The following TRIM33 variants were observed in gnomAD, a reference collection of about 807,000 sequenced individuals.
TRIM33 encodes the protein E3 ubiquitin-protein ligase TRIM33.
TRIM33 carries 20 observed loss-of-function variants against 125.4 expected under a neutral mutation model. The observed-to-expected ratio is 0.16, with a 90% confidence interval of 0.11 to 0.23. The LOEUF (loss-of-function observed/expected upper bound fraction) is 0.23. Ranked by LOEUF, TRIM33 falls within the 10% of genes least tolerant of loss-of-function variation. TRIM33 has a pLI of 1.00. For missense variants in TRIM33, 920 were observed against 1,411.4 expected (o/e 0.65, Z 5.58); for synonymous variants, 564 against 513.9 (o/e 1.10, Z -1.32).
intron 5 of TRIM33, among the ~76,000 whole-genome samples, chr1:114,433,355 AATTT>A (rs1648087751): frequency 6.6e-6 from 1 of 152,142 alleles, no homozygotes; most frequent in Non-Finnish European, 1.5e-5. Context: ...TCTCCATATT[AATTT>A]ATTTGTTTCC....
chr1:114,414,029 A>ACACAGG (rs1557849675), intron 11 of TRIM33, among the ~76,000 whole-genome samples: 6 of 49,344 alleles, frequency 1.2e-4, no homozygotes, highest in Non-Finnish European at 2.7e-4. Context: ...AATCACAGGC[A>ACACAGG]CACACACACA....
At chr1:114,456,578 A>G (rs1649641304) in intron 4 of TRIM33, among the ~76,000 whole-genome samples, 1 of 152,124 alleles carries the variant, frequency 6.6e-6, no homozygotes, top group Admixed American at 6.5e-5. Flanking sequence ...AATCTTGTGA[A>G]TTTCTTTTTT....
chr1:114,468,388 T>TA (rs1650433519), intron 1 of TRIM33: 1 of 335,638 alleles, frequency 3.0e-6, no homozygotes, highest in African/African-American at 2.3e-5. Flanking sequence ...GTCCTTTAGT[T>TA]AGAGGAGGAA....
intron 4 of TRIM33, among the ~76,000 whole-genome samples, chr1:114,453,224 C>T (rs1156497166): frequency 6.6e-6 from 1 of 151,682 alleles, no homozygotes; most frequent in Non-Finnish European, 1.5e-5. Flanking sequence ...ATTAGCCAGG[C>T]GTGGTGATGT....
chr1:114,462,806 GA>G (rs1335562460), intron 4 of TRIM33, among the ~76,000 whole-genome samples: 3 of 151,990 alleles, frequency 2.0e-5, no homozygotes, highest in African/African-American at 7.2e-5. Context: ...AGGACACCAA[GA>G]AAAAGCTTAT....
chr1:114,427,470 T>C (rs761236238), intron 7 of TRIM33, among the ~76,000 whole-genome samples, 176 bp from the exon 8 acceptor site: 11 of 152,186 alleles, frequency 7.2e-5, no homozygotes, highest in Non-Finnish European at 1.2e-4. Context: ...ATTTCTGCCA[T>C]TTTGGGTAAT....
At chr1:114,420,438 G>A (rs902599614) in intron 11 of TRIM33, 28 of 1,334,202 alleles carry the variant, frequency 2.1e-5, no homozygotes, top group African/African-American at 4.5e-5. Context: ...GTGCATCATC[G>A]GAACAACGTT....
At chr1:114,459,706 C>T (rs953088913) in intron 4 of TRIM33, among the ~76,000 whole-genome samples, 2 of 144,744 alleles carry the variant, frequency 1.4e-5, no homozygotes, top group African/African-American at 5.3e-5. Context: ...GAGCTTGAGT[C>T]CAGCCTGAGC....
intron 18 of TRIM33, among the ~76,000 whole-genome samples, chr1:114,398,926 C>A (rs951634370): frequency 0.027 from 3,217 of 117,988 alleles, 62 homozygotes; most frequent in Non-Finnish European, 0.035. Context: ...CAAAACAAAA[C>A]AAAACAAAAA....
chr1:114,400,120 T>C (rs539551472), intron 17 of TRIM33, among the ~76,000 whole-genome samples: 1 of 152,204 alleles, frequency 6.6e-6, no homozygotes, highest in South Asian at 2.1e-4. Context: ...GTGTTCACGC[T>C]AGGGAATTCT....
intron 4 of TRIM33, among the ~76,000 whole-genome samples, chr1:114,460,945 A>C (rs1174974080): frequency 6.6e-6 from 1 of 152,080 alleles, no homozygotes; most frequent in Non-Finnish European, 1.5e-5. Flanking sequence ...AGTAAGTTAA[A>C]TGCTTCCCTG....
At chr1:114,442,715 GA>G (rs896311358) in intron 4 of TRIM33, among the ~76,000 whole-genome samples, 23 of 133,140 alleles carry the variant, frequency 1.7e-4, no homozygotes, top group East Asian at 1.1e-3. Context: ...GAAAAAAAAA[GA>G]AAAAAAAAAC....
chr1:114,444,193 T>C (rs1572061932), intron 4 of TRIM33, among the ~76,000 whole-genome samples: 2 of 152,128 alleles, frequency 1.3e-5, no homozygotes, highest in South Asian at 4.2e-4. Context: ...GGCACTGGAA[T>C]GGAGGGAATG....
intron 1 of TRIM33, among the ~76,000 whole-genome samples, chr1:114,504,551 A>T (rs769181432): frequency 5.9e-5 from 9 of 152,204 alleles, no homozygotes; most frequent in Non-Finnish European, 1.0e-4. Flanking sequence ...TAGTGTAATT[A>T]TGAAAATAGT....
chr1:114,408,542 A>T (rs1235397601), intron 13 of TRIM33, 135 bp downstream of exon 13: 1 of 573,360 alleles, frequency 1.7e-6, no homozygotes, highest in African/African-American at 2.0e-5. Context: ...AGAAGAAACA[A>T]GATTGGCCAT....
At chr1:114,398,819 A>G (rs1651694432) in intron 18 of TRIM33, among the ~76,000 whole-genome samples, 1 of 150,968 alleles carries the variant, frequency 6.6e-6, no homozygotes, top group Non-Finnish European at 1.5e-5. Context: ...AATCGATTTT[A>G]TCCCTAATAA....
intron 11 of TRIM33, among the ~76,000 whole-genome samples, chr1:114,412,611 A>G (rs1409329204): frequency 6.6e-6 from 1 of 152,154 alleles, no homozygotes; most frequent in Non-Finnish European, 1.5e-5. Context: ...TATAATTTGA[A>G]TTATATACTG....
chr1:114,441,478 C>T (rs920068049), intron 4 of TRIM33, among the ~76,000 whole-genome samples: 4 of 152,078 alleles, frequency 2.6e-5, no homozygotes, highest in African/African-American at 7.2e-5. Flanking sequence ...ATAGAGAGGA[C>T]GTTAAGTGGC....
At chr1:114,428,186 C>G (rs987820906) in intron 6 of TRIM33, among the ~76,000 whole-genome samples, 6 of 152,196 alleles carry the variant, frequency 3.9e-5, no homozygotes, top group African/African-American at 1.4e-4. Context: ...TTAGATTAAT[C>G]TAATATATGG....
Sources: gnomAD v4.1 joint callset for allele counts (sites outside exome capture counted in the v4.1 genomes callset) on GRCh38, gnomAD v4.1.1 for gene constraint, MANE v1.5 for transcripts, NCBI Gene and HGNC (gene_info 2026-07-23, HGNC 2026-07-21) for gene names.